CAND2: variants seen among roughly 807,000 people sequenced by gnomAD.
CAND2 encodes the protein cullin associated and neddylation dissociated 2 (putative).
A neutral mutation model predicts 98.9 loss-of-function variants in CAND2; 62 were observed. The observed-to-expected ratio is 0.63, with a 90% CI of 0.51 to 0.77. The LOEUF is 0.77. CAND2 is among the 30% of genes least tolerant of loss of function. The pLI is 0.00. For synonymous variants in CAND2, 770 were observed against 731.9 expected (o/e 1.05, Z -0.84); for missense variants, 1,501 against 1,655.2 (o/e 0.91, Z 1.62).
chr3:12,802,740 G>A (rs186983827), intron 1 of CAND2, among the ~76,000 whole-genome samples: 2 of 152,162 alleles, frequency 1.3e-5, no homozygotes, highest in African/African-American at 4.8e-5. Flanking sequence ...TCTGAGAAGT[G>A]CATCCTTAGG....
At chr3:12,828,295 C>T (rs1172499077) in intron 13 of CAND2, among the ~76,000 whole-genome samples, 2 of 149,590 alleles carry the variant, frequency 1.3e-5, no homozygotes, top group African/African-American at 2.5e-5. Flanking sequence ...ATTAATAATA[C>T]AAGTTACTAT....
At chr3:12,822,779 G>A (rs1157471708) in intron 11 of CAND2, among the ~76,000 whole-genome samples, 1 of 152,054 alleles carries the variant, frequency 6.6e-6, no homozygotes, top group Non-Finnish European at 1.5e-5. Flanking sequence ...TTGCTGTTGG[G>A]GCCTCATTGC....
In CAND2 at chr3:12,816,427, G is replaced by A. The variant is rs1330665656; in HGVS notation, c.1495G>A (p.Ala499Thr). 87 of 1,613,774 alleles carry A rather than the reference G, an allele frequency of 5.4e-5. No homozygotes were observed. The East Asian group carries it at 1.7e-3, about 32-fold the overall frequency. Residue 499 changes from alanine (A) to threonine (T), a missense_variant, in exon 10 of 15, where the codon GCC becomes ACC. Physicochemically the swap from Ala to Thr is moderately conservative, Grantham distance 58. Coordinates refer to ENST00000456430, the MANE Select transcript of CAND2 (RefSeq NM_001162499.2). ...RSSSSTIRMD[A>T]LAFLQGLLGT... is the part of the protein sequence containing the mutation. ...CAGCTCCTCCACCATCCGGATGGAT[G>A]CCCTGGCCTTCTTGCAGGGGCTGCT...
chr3:12,796,707 G>C lies in CAND2; in HGVS notation c.-14G>C, dbSNP rs761467756. 5 of 1,567,794 alleles carry C rather than the reference G, an allele frequency of 3.2e-6. No homozygotes were observed. The highest frequency in any genetic ancestry group is 1.9e-5 in the Admixed American group (1 of 53,590). On this transcript the variant is annotated 5_prime_UTR_variant, in exon 1 of 15. Transcript: ENST00000456430. ...ATTCCCTCCCGCCGGCCGGCTCCGC[G>C]GCGCGCAGCCACCATGAGCACCGCC... is the stretch of plus-strand genomic sequence containing the variant.
At chr3:12,799,761 T>C (rs766877256) in intron 1 of CAND2, among the ~76,000 whole-genome samples, 4 of 152,086 alleles carry the variant, frequency 2.6e-5, no homozygotes, top group Non-Finnish European at 5.9e-5. Flanking sequence ...TGTATTGCAG[T>C]GTGAGAAGTG....
intron 3 of CAND2, 125 bp downstream of exon 3, chr3:12,807,585 C>T (rs2061817828): frequency 1.0e-6 from 1 of 954,994 alleles, no homozygotes; most frequent in Non-Finnish European, 1.5e-6. Context: ...TGAGGTCACT[C>T]AGCTAGTAAG....
At chr3:12,813,729 G>A (rs2061873562) in intron 7 of CAND2, among the ~76,000 whole-genome samples, 1 of 152,192 alleles carries the variant, frequency 6.6e-6, no homozygotes, top group Non-Finnish European at 1.5e-5. Flanking sequence ...AGGTCTGTCA[G>A]GCTCCCCCAC....
intron 12 of CAND2, among the ~76,000 whole-genome samples, chr3:12,826,612 T>C (rs2062002104): frequency 6.6e-6 from 1 of 151,976 alleles, no homozygotes; most frequent in Non-Finnish European, 1.5e-5. Context: ...TATTTTTTTG[T>C]AGAGATGCGG....
In CAND2 at chr3:12,821,696, G is replaced by A. The variant is rs531452313; in HGVS notation, c.3040+1515G>A. ...TTGAACTGGTTTTTGAGCTCTCACT[G>A]TGTATCAGGCACCACACTAGGCCCT... On this transcript the variant is annotated intron_variant, in intron 11 of 14. Coordinates refer to ENST00000456430, the MANE Select transcript of CAND2 (RefSeq NM_001162499.2). Among the ~76,000 whole-genome samples, 24 of 152,280 alleles carry A rather than the reference G, an allele frequency of 1.6e-4. No individual in the cohort carries two copies. The South Asian group carries it at 3.9e-3, about 25-fold the overall frequency.
intron 13 of CAND2, among the ~76,000 whole-genome samples, chr3:12,828,804 T>G (rs1359279367): frequency 6.6e-6 from 1 of 152,242 alleles, no homozygotes; most frequent in Non-Finnish European, 1.5e-5. Flanking sequence ...GTTTCTGCCC[T>G]TGTAAGTGGA....
chr3:12,825,349 C>A (rs1374607416), intron 11 of CAND2, 121 bp from the exon 12 acceptor site: 2 of 931,034 alleles, frequency 2.1e-6, no homozygotes, highest in Non-Finnish European at 3.2e-6. Context: ...CTCACCACAC[C>A]CAGCTTACCC....
intron 2 of CAND2, 107 bp from the exon 3 acceptor site, chr3:12,807,199 C>A: frequency 9.4e-7 from 1 of 1,061,598 alleles, no homozygotes; most frequent in Non-Finnish European, 1.3e-6. Flanking sequence ...GATCTGAGGC[C>A]TTTTCCTCAG....
At chr3:12,798,124 AG>A (rs1231526409) in intron 1 of CAND2, among the ~76,000 whole-genome samples, 1 of 151,992 alleles carries the variant, frequency 6.6e-6, no homozygotes, top group African/African-American at 2.4e-5. Context: ...GGATTAAATA[AG>A]ATAGTACATG....
At chr3:12,805,831 A>C (rs1316108441) in intron 2 of CAND2, among the ~76,000 whole-genome samples, 2 of 152,226 alleles carry the variant, frequency 1.3e-5, no homozygotes, top group Non-Finnish European at 2.9e-5. Context: ...GGGCATGGAC[A>C]GTGCTTTGTT....
Position 12,825,623 on chromosome 3 carries a change from G to A in CAND2, c.3194G>A (p.Arg1065Gln), listed in dbSNP as rs144003681. The change falls in exon 12 of 15, where the codon CGG becomes CAG. Residue 1065 changes from arginine (R) to glutamine (Q), a missense_variant. This residue lies in a region of CAND2 where 1,427 missense variants were observed against 1,545.3 expected (regional missense o/e 0.92). Transcript: ENST00000456430. ...CTCTACCAGGAGACAAAGATCCGGC[G>A]GGACCTCATCCGAGAGGTGTGGAGC... ...PLLYQETKIR[R>Q]DLIREVEMGP... 3.4e-5 allele frequency: 54 copies of A among 1,601,634 alleles called. 1 individual carries two copies. In the East Asian group the frequency reaches 5.2e-4, roughly 15 times the overall value.
chr3:12,832,371 C>T (rs1286206005), intron 14 of CAND2: 1 of 152,178 alleles, frequency 6.6e-6, no homozygotes, highest in Non-Finnish European at 1.5e-5. Flanking sequence ...TTCTGGTTTT[C>T]TCTGAGCTCT....
rs2061917804 is a variant in CAND2 at position 12,817,451 on chromosome 3, A to C, written c.2519A>C (p.Lys840Thr). ...ARSPHSSTGV[K>T]VLAFLSLAEV... ...TCGCCCCACTCCAGCACGGGGGTCAAGGTCCTGGCATTCTTGTCGCTGGCT... is the reference window on the plus strand; with the variant it reads ...TCGCCCCACTCCAGCACGGGGGTCACGGTCCTGGCATTCTTGTCGCTGGCT... The change falls in exon 10 of 15, where the codon AAG (lysine) becomes ACG (threonine). Residue 840 changes from lysine (K) to threonine (T), a missense_variant. Lys to Thr is a moderately conservative substitution (Grantham distance 78). Transcript: ENST00000456430. 1 of 1,613,570 alleles carries C rather than the reference A, an allele frequency of 6.2e-7. No homozygotes were observed. Among genetic ancestry groups the C allele is most frequent in the Non-Finnish European group, 8.5e-7 (1 of 1,179,956 alleles).
chr3:12,822,594 C>G (rs1427447514), intron 11 of CAND2, among the ~76,000 whole-genome samples: 2 of 152,166 alleles, frequency 1.3e-5, no homozygotes, highest in Non-Finnish European at 2.9e-5. Context: ...CCCCCGTGCC[C>G]AGCCTCCATC....
chr3:12,819,635 G>C (rs2061939713), intron 10 of CAND2, among the ~76,000 whole-genome samples: 1 of 152,176 alleles, frequency 6.6e-6, no homozygotes, highest in African/African-American at 2.4e-5. Context: ...CTGCTGTGTG[G>C]CCCTAGACAT....
Sources: allele counts gnomAD v4.1 joint callset (sites outside exome capture counted in the v4.1 genomes callset), GRCh38; gene constraint gnomAD v4.1.1; regional missense constraint gnomAD v4.1.1; transcripts MANE v1.5; gene names NCBI Gene and HGNC (gene_info 2026-07-23, HGNC 2026-07-21).